The following DCUN1D4 variants were observed in gnomAD, a reference collection of about 807,000 sequenced individuals.
The protein encoded by DCUN1D4 is DCN1-like protein 4.
In DCUN1D4, 22 loss-of-function variants were observed where a neutral mutation model predicts 47.9. The ratio of observed to expected loss-of-function variants is 0.46; its 90% confidence interval spans 0.33 to 0.66. The LOEUF is 0.66. Ranked by LOEUF, DCUN1D4 falls within the 30% of genes least tolerant of loss-of-function variation. DCUN1D4 has a pLI of 0.02. For missense variants in DCUN1D4, 301 were observed against 340.8 expected (o/e 0.88, Z 0.92); for synonymous variants, 121 against 112.2 (o/e 1.08, Z -0.50).
intron 5 of DCUN1D4, among the ~76,000 whole-genome samples, chr4:51,879,715 T>C (rs886724028): frequency 6.6e-6 from 1 of 152,230 alleles, no homozygotes; most frequent in African/African-American, 2.4e-5. Flanking sequence ...ATCTCTTGCT[T>C]TCCTATATTG....
chr4:51,834,099 C>CTTTTTTTTTTTTTTTTTTTTTTTTT, the DCUN1D4 span, among the ~76,000 whole-genome samples: 2 of 40,830 alleles, frequency 4.9e-5, no homozygotes, highest in African/African-American at 5.2e-4. Context: ...TTCTTTTCTT[C>CTTTTTTTTTTTTTTTTTTTTTTTTT]TTTCTTTTTT....
intron 1 of DCUN1D4, among the ~76,000 whole-genome samples, chr4:51,852,415 A>T (rs1723508673): frequency 6.6e-6 from 1 of 152,028 alleles, no homozygotes; most frequent in Non-Finnish European, 1.5e-5. Flanking sequence ...AATTATTTTT[A>T]TTTTTTTTCC....
chr4:51,840,186 T>G (rs1393742409), upstream of DCUN1D4, among the ~76,000 whole-genome samples: 1 of 152,042 alleles, frequency 6.6e-6, no homozygotes, highest in African/African-American at 2.4e-5. Flanking sequence ...CAAATATAAA[T>G]GTACAGAAGT....
rs775534147 is a variant in DCUN1D4, at chr4:51,863,652, C to T, written c.97-18C>T. On this transcript the variant is annotated intron_variant, in intron 2 of 10. Transcript: ENST00000334635. ...ACGGTATGTGATTTCTTCGTAATAA[C>T]GAACATATTTCTTTCAGAACCTAAC... 9.3e-6 allele frequency: 15 copies of T among 1,611,826 alleles called. No individual in the cohort carries two copies. The highest frequency in any genetic ancestry group is 1.7e-5 in the Admixed American group (1 of 59,474).
At chr4:51,835,182 C>A in the DCUN1D4 span, among the ~76,000 whole-genome samples, 3 of 152,304 alleles carry the variant, frequency 2.0e-5, no homozygotes, top group South Asian at 2.1e-4. Context: ...GGCAACATAG[C>A]ACAGTGAGTA....
chr4:51,844,378 C>T (rs564834039), intron 1 of DCUN1D4: 5 of 984,550 alleles, frequency 5.1e-6, no homozygotes, highest in East Asian at 1.2e-4. Flanking sequence ...GCCGTGGTTC[C>T]CCCCGGACGG....
intron 3 of DCUN1D4, 107 bp downstream of exon 3, chr4:51,863,816 A>G: frequency 8.4e-7 from 1 of 1,194,810 alleles, no homozygotes. Flanking sequence ...CTCCATTAAC[A>G]AATTGTTCCT....
In DCUN1D4 at chr4:51,863,659, A is replaced by G. The variant is rs751656404; in HGVS notation, c.97-11A>G. On this transcript the variant is annotated splice_polypyrimidine_tract_variant and intron_variant, in intron 2 of 10. Transcript: ENST00000334635. ...GTGATTTCTTCGTAATAACGAACAT[A>G]TTTCTTTCAGAACCTAACAGAAGAC... 1.9e-6 allele frequency: 3 copies of G among 1,613,156 alleles called. No homozygotes were observed. The highest frequency in any genetic ancestry group is 1.7e-6 in the Non-Finnish European group (2 of 1,179,722).
chr4:51,881,150 C>T (rs1042250682), intron 5 of DCUN1D4, among the ~76,000 whole-genome samples: 1 of 152,114 alleles, frequency 6.6e-6, no homozygotes, highest in East Asian at 1.9e-4. Context: ...ATGAAGATGA[C>T]CAGTTTACAT....
intron 6 of DCUN1D4, among the ~76,000 whole-genome samples, chr4:51,889,178 C>G (rs1022871457): frequency 6.6e-6 from 1 of 152,104 alleles, no homozygotes; most frequent in African/African-American, 2.4e-5. Context: ...CAAGCTGTCA[C>G]CAATAGAAGT....
intron 1 of DCUN1D4, among the ~76,000 whole-genome samples, chr4:51,846,068 T>C (rs568980733): frequency 3.8e-4 from 58 of 152,326 alleles, no homozygotes; most frequent in African/African-American, 1.3e-3. Context: ...AAAGAAAATA[T>C]GAAGCTAGTC....
intron 5 of DCUN1D4, among the ~76,000 whole-genome samples, chr4:51,878,346 C>T (rs567569884): frequency 1.3e-5 from 2 of 152,118 alleles, no homozygotes; most frequent in East Asian, 1.9e-4. Flanking sequence ...TATAATGTTG[C>T]GACCTGGGGC....
At chr4:51,844,351 C>T (rs1416256848) in intron 1 of DCUN1D4, 3 of 984,654 alleles carry the variant, frequency 3.0e-6, no homozygotes, top group South Asian at 4.7e-5. Context: ...GGGGTAAGTG[C>T]CCTAAGGTTG....
Position 51,877,762 on chromosome 4 carries a change from G to A in DCUN1D4, c.252-1G>A, listed in dbSNP as rs1303450820. 6.3e-7 allele frequency: 1 copy of A among 1,594,394 alleles called. No individual in the cohort carries two copies. The highest frequency in any genetic ancestry group is 2.2e-5 in the East Asian group (1 of 44,690). On this transcript the variant is annotated splice_acceptor_variant, in intron 4 of 10. Transcript: ENST00000334635. LOFTEE classifies it high-confidence loss of function. ...CTTAAAACTGCCTTTTCAATTTCCA[G>A]CATGTATAGAAAATATGATTCGACT...
At chr4:51,889,912 G>T (rs1488034415) in intron 6 of DCUN1D4, among the ~76,000 whole-genome samples, 2 of 152,042 alleles carry the variant, frequency 1.3e-5, no homozygotes, top group African/African-American at 4.8e-5. Flanking sequence ...ATCAGTCCTA[G>T]TAATTTACCT....
At position 51,914,616 on chromosome 4, in the gene DCUN1D4, T is replaced by C. The variant is rs1734145116; in HGVS notation, c.*1032T>C. 1 of 152,580 alleles carries C rather than the reference T, an allele frequency of 6.6e-6. No individual in the cohort carries two copies. The highest frequency in any genetic ancestry group is 6.6e-5 in the Admixed American group (1 of 15,258). The allele number at this position is 152,580 out of a possible 1,614,324, so 9.5% of individuals were successfully genotyped here. On this transcript the variant is annotated 3_prime_UTR_variant, in exon 11 of 11. Coordinates refer to ENST00000334635, the MANE Select transcript of DCUN1D4 (RefSeq NM_001040402.3). The stretch of plus-strand genomic sequence containing the variant: ...TTGTTTTCCTTGTTTGTTTGTTTCA[T>C]GCTAGGCTTTTCCTGGCAGCATGTC...
chr4:51,885,358 A>C (rs750863068), intron 5 of DCUN1D4, among the ~76,000 whole-genome samples: 27 of 152,142 alleles, frequency 1.8e-4, no homozygotes, highest in Admixed American at 3.3e-4. Context: ...ACACTTGATA[A>C]TTGATTGGGT....
chr4:51,863,542 G>A (rs779893698), intron 2 of DCUN1D4, 35 bp downstream of exon 2: 2 of 1,582,042 alleles, frequency 1.3e-6, no homozygotes, highest in Non-Finnish European at 8.7e-7. Context: ...ATTACCAACT[G>A]TTTGAAGTAG....
chr4:51,863,269 G>A (rs1429212155), intron 1 of DCUN1D4, among the ~76,000 whole-genome samples, 168 bp from the exon 2 acceptor site: 4 of 152,060 alleles, frequency 2.6e-5, no homozygotes, highest in African/African-American at 9.7e-5. Context: ...TAACTTTATT[G>A]TCAGACTATT....
Sources: gnomAD v4.1 joint callset for allele counts (sites outside exome capture counted in the v4.1 genomes callset) on GRCh38, gnomAD v4.1.1 for gene constraint, MANE v1.5 for transcripts, NCBI Gene and HGNC (gene_info 2026-07-23, HGNC 2026-07-21) for gene names.